The following CD3E variants were observed in gnomAD, a reference collection of about 807,000 sequenced individuals.
The protein encoded by CD3E is CD3 epsilon subunit of T-cell receptor complex, also known as T-cell surface glycoprotein CD3 epsilon chain.
A neutral mutation model predicts 34.7 loss-of-function variants in CD3E; 16 were observed. The observed-to-expected ratio is 0.46, with a 90% CI of 0.31 to 0.70. The LOEUF (loss-of-function observed/expected upper bound fraction) is 0.70. Among genes scored for constraint, CD3E ranks in the 30% least tolerant of loss-of-function variants. CD3E has a pLI of 0.05. For synonymous variants in CD3E, 70 were observed against 90.8 expected (o/e 0.77, Z 1.30); for missense variants, 223 against 253.9 (o/e 0.88, Z 0.83).
intron 4 of CD3E, among the ~76,000 whole-genome samples, chr11:118,310,576 A>G (rs1459538659): frequency 6.6e-6 from 1 of 152,200 alleles, no homozygotes; most frequent in Non-Finnish European, 1.5e-5. Flanking sequence ...ATAGTGCACA[A>G]TGAACATACG....
chr11:118,307,276 T>C lies in CD3E; in HGVS notation c.50-12T>C. 1.9e-6 allele frequency: 3 copies of C among 1,603,876 alleles called. No individual in the cohort carries two copies. Among genetic ancestry groups the C allele is most frequent in the Non-Finnish European group, 2.6e-6 (3 of 1,171,348 alleles). ...ATTTACTAACACTTTTTTTTTCTTA[T>C]TTATTTTCTAGTTGGCGTTTGGGGG... On this transcript the variant is annotated splice_polypyrimidine_tract_variant and intron_variant, in intron 2 of 8. Coordinates refer to ENST00000361763, the MANE Select transcript of CD3E (RefSeq NM_000733.4).
chr11:118,314,748 A>G (rs1948156182), intron 8 of CD3E, among the ~76,000 whole-genome samples: 1 of 152,156 alleles, frequency 6.6e-6, no homozygotes, highest in African/African-American at 2.4e-5. Context: ...TGGCTTATTC[A>G]TTGACTGGGA....
rs80341231 is a variant in CD3E at position 118,311,842 on chromosome 11, T to C, written c.86-311T>C. ...TTAAGAGGATAAGCTTGAAGACCTCTGGAATTTTTCGGCTTTAGGACTTTA... is the reference window on the plus strand; with the variant it reads ...TTAAGAGGATAAGCTTGAAGACCTCCGGAATTTTTCGGCTTTAGGACTTTA... On this transcript the variant is annotated intron_variant, in intron 4 of 8. Coordinates refer to ENST00000361763, the MANE Select transcript of CD3E (RefSeq NM_000733.4). Among the ~76,000 whole-genome samples the C allele has an allele frequency of 5.7e-3, 865 of 152,336 alleles. 12 individuals carry two copies. The highest frequency in any genetic ancestry group is 0.018 in the African/African-American group (755 of 41,572).
chr11:118,306,528 A>AAATAAAT (rs1565509959), intron 2 of CD3E, among the ~76,000 whole-genome samples: 6 of 148,474 alleles, frequency 4.0e-5, no homozygotes, highest in African/African-American at 1.5e-4. Flanking sequence ...AATAAATAAA[A>AAATAAAT]GAGACAGTAT....
intron 2 of CD3E, among the ~76,000 whole-genome samples, chr11:118,305,871 T>TA (rs1948102671): frequency 6.6e-6 from 1 of 152,196 alleles, no homozygotes; most frequent in Admixed American, 6.5e-5. Flanking sequence ...TTCAAAGACC[T>TA]AGAAAACACT....
Position 118,304,922 on chromosome 11 carries a change from C to A in CD3E, c.-31C>A. On this transcript the variant is annotated 5_prime_UTR_variant, in exon 2 of 9. Transcript: ENST00000361763. ...TAGTAAGTCTGCTGGCCTCCGCCAT[C>A]TTAGTAAAGTAACAGTCCCATGAAA... is the stretch of plus-strand genomic sequence containing the variant. The A allele has an allele frequency of 6.2e-7, 1 of 1,610,842 alleles. No individual in the cohort carries two copies. The highest frequency in any genetic ancestry group is 1.1e-5 in the South Asian group (1 of 91,010).
Position 118,305,019 on chromosome 11 carries a change from G to A in CD3E, c.49+18G>A, listed in dbSNP as rs1217436601. On this transcript the variant is annotated intron_variant, in intron 2 of 8. Coordinates refer to ENST00000361763, the MANE Select transcript of CD3E (RefSeq NM_000733.4). ...CTTATCAGGTGAGTAGGATGGAGTG[G>A]AAAGGGTGGTGTGTCTCCAGACCGC... is the stretch of plus-strand genomic sequence containing the variant. The A allele has an allele frequency of 1.9e-6, 3 of 1,612,834 alleles. No homozygotes were observed. The African/African-American group carries it at 4.0e-5, about 22-fold the overall frequency.
Position 118,312,172 on chromosome 11 carries a change from T to C in CD3E, c.103+2T>C. 6.2e-7 allele frequency: 1 copy of C among 1,610,704 alleles called. No individual in the cohort carries two copies. Among genetic ancestry groups the C allele is most frequent in the Non-Finnish European group, 8.5e-7 (1 of 1,176,898 alleles). On this transcript the variant is annotated splice_donor_variant, in intron 5 of 8. Transcript: ENST00000361763. LOFTEE classifies it high-confidence loss of function. ...TTTCAGGTGGTATTACACAGACACG[T>C]GAGTTTATTGGTCTTTTATTTATGC... is the stretch of plus-strand genomic sequence containing the variant.
chr11:118,312,176 T>C lies in CD3E; in HGVS notation c.103+6T>C. 6.2e-7 allele frequency: 1 copy of C among 1,610,284 alleles called. No individual in the cohort carries two copies. ...AGGTGGTATTACACAGACACGTGAG[T>C]TTATTGGTCTTTTATTTATGCCCTG... On this transcript the variant is annotated splice_donor_region_variant and intron_variant, in intron 5 of 8. Transcript: ENST00000361763.
In CD3E at chr11:118,308,327, T is replaced by C. The variant is rs17122060; in HGVS notation, c.71-100T>C. On this transcript the variant is annotated intron_variant, in intron 3 of 8. Transcript: ENST00000361763. ...TGAGGGAATTGGAAGATCCATTGTT[T>C]CCTAAGAGTTGAGGGAAGAGTCCCA... 7.3e-3 allele frequency: 6,021 copies of C among 820,870 alleles called. 244 individuals are homozygous for C. In the African/African-American group the frequency reaches 0.087, roughly 12 times the overall value. The allele number at this position is 820,870 out of a possible 1,614,324, so 50.8% of individuals were successfully genotyped here. A position where few individuals can be genotyped will look rare whatever the true frequency, so the allele number is the denominator to read the frequency against.
intron 2 of CD3E, among the ~76,000 whole-genome samples, 191 bp downstream of exon 2, chr11:118,305,192 G>T (rs57137348): frequency 6.6e-6 from 1 of 152,242 alleles, no homozygotes; most frequent in Admixed American, 6.5e-5. Context: ...CTGGGAGAGC[G>T]TTCGGGGAGC....
chr11:118,314,899 A>T (rs998697928), intron 8 of CD3E, among the ~76,000 whole-genome samples: 3 of 152,000 alleles, frequency 2.0e-5, no homozygotes, highest in African/African-American at 4.8e-5. Context: ...GAAATATTAA[A>T]ATACTCATTG....
chr11:118,311,194 G>A (rs1472767108), intron 4 of CD3E, among the ~76,000 whole-genome samples: 2 of 152,174 alleles, frequency 1.3e-5, no homozygotes, highest in Non-Finnish European at 2.9e-5. Flanking sequence ...CAGGGCTTCT[G>A]ACTCTTGAGT....
intron 1 of CD3E, 23 bp from the exon 2 acceptor site, chr11:118,304,871 C>A: frequency 8.3e-7 from 1 of 1,206,326 alleles, no homozygotes; most frequent in Non-Finnish European, 1.2e-6. Context: ...TTGAAAAAGT[C>A]ATCTGTTTTG....
rs765703236 is a variant in CD3E, at chr11:118,312,883, G to A, written c.352+17G>A. The stretch of plus-strand genomic sequence containing the variant: ...GGGCAAGAGGTAATCCAGGTCTCCA[G>A]AACAGGTACCACCGGCTCTTTAGGG... On this transcript the variant is annotated intron_variant, in intron 6 of 8. Transcript: ENST00000361763. 1 of 1,614,022 alleles carries A rather than the reference G, an allele frequency of 6.2e-7. No homozygotes were observed. The highest frequency in any genetic ancestry group is 1.1e-5 in the South Asian group (1 of 91,032).
intron 4 of CD3E, among the ~76,000 whole-genome samples, chr11:118,310,029 C>A (rs1948127556): frequency 6.6e-6 from 1 of 152,198 alleles, no homozygotes; most frequent in African/African-American, 2.4e-5. Context: ...AATTTTAATG[C>A]AGATTTATAT....
intron 5 of CD3E, 55 bp from the exon 6 acceptor site, chr11:118,312,563 G>A: frequency 6.2e-7 from 1 of 1,609,116 alleles, no homozygotes; most frequent in Non-Finnish European, 8.5e-7. Flanking sequence ...TCACTAATTT[G>A]CCTTTTCTAA....
At chr11:118,310,920 G>C (rs2134764986) in intron 4 of CD3E, among the ~76,000 whole-genome samples, 1 of 152,276 alleles carries the variant, frequency 6.6e-6, no homozygotes, top group East Asian at 1.9e-4. Flanking sequence ...CTTTGTCAGA[G>C]GGCTGCCTGA....
rs58102034 is a variant in CD3E at position 118,314,960 on chromosome 11, T to TACAC, written c.568-489_568-486dup. Reference sequence around the variant, plus strand: ...CCCAACCCACCCTTACACACACACATACACACACACACACACACACACACA... The same window carrying TACAC: ...CCCAACCCACCCTTACACACACACATACACACACACACACACACACACACACACA... On this transcript the variant is annotated intron_variant, in intron 8 of 8. Coordinates refer to ENST00000361763, the MANE Select transcript of CD3E (RefSeq NM_000733.4). Among the ~76,000 whole-genome samples the TACAC allele has an allele frequency of 7.8e-3, 1,124 of 143,728 alleles. 4 individuals carry two copies. The highest frequency in any genetic ancestry group is 0.014 in the East Asian group (70 of 4,920). The allele number at this position is 143,728 out of a possible 152,430, so 94.3% of individuals were successfully genotyped here.
Sources: gnomAD v4.1 joint callset for allele counts (sites outside exome capture counted in the v4.1 genomes callset) on GRCh38, gnomAD v4.1.1 for gene constraint, MANE v1.5 for transcripts, NCBI Gene and HGNC (gene_info 2026-07-23, HGNC 2026-07-21) for gene names.